TES: variants seen among roughly 807,000 people sequenced by gnomAD.
TES encodes the protein testin.
A neutral mutation model predicts 48.2 loss-of-function variants in TES; 41 were observed. The observed-to-expected ratio is 0.85, with a 90% CI of 0.66 to 1.10. TES has a LOEUF of 1.10. Ranked by LOEUF, TES falls within the 50% of genes least tolerant of loss-of-function variation. The pLI is 0.00. For missense variants in TES, 463 were observed against 515.1 expected, an observed-to-expected ratio of 0.90 and a Z score of 0.98; for synonymous variants, 162 against 174.9, an observed-to-expected ratio of 0.93 and a Z score of 0.58.
At chr7:116,250,597 A>C in intron 4 of TES, 101 bp downstream of exon 4, 1 of 881,636 alleles carries the variant, frequency 1.1e-6, no homozygotes. Flanking sequence ...GAGTTTCCAA[A>C]AGGGAATAAG....
At chr7:116,235,875 TA>T (rs1799764039) in intron 2 of TES, among the ~76,000 whole-genome samples, 1 of 152,180 alleles carries the variant, frequency 6.6e-6, no homozygotes, top group South Asian at 2.1e-4. Flanking sequence ...TAATCTCTTT[TA>T]AAAACTAGTT....
chr7:116,234,433 A>T (rs899935813), intron 1 of TES, 101 bp from the exon 2 acceptor site: 4 of 998,300 alleles, frequency 4.0e-6, no homozygotes, highest in Non-Finnish European at 6.2e-6. Flanking sequence ...TTTGAAAGTT[A>T]TCTCAACACA....
intron 2 of TES, among the ~76,000 whole-genome samples, chr7:116,246,221 T>C (rs1251506305): frequency 2.6e-5 from 4 of 152,196 alleles, no homozygotes; most frequent in African/African-American, 9.7e-5. Context: ...ATCCAAGCCA[T>C]AGCATATTTT....
chr7:116,254,510 C>T (rs188222727), intron 6 of TES, among the ~76,000 whole-genome samples: 2,046 of 151,940 alleles, frequency 0.013, 30 homozygotes, highest in Non-Finnish European at 0.018. Context: ...CCAAGGTGGG[C>T]GAATCATGAG....
chr7:116,245,722 T>A (rs1799914061), intron 2 of TES, among the ~76,000 whole-genome samples: 2 of 152,184 alleles, frequency 1.3e-5, no homozygotes, highest in African/African-American at 2.4e-5. Flanking sequence ...CTGTATTTAT[T>A]AGTCTATTCT....
intron 2 of TES, among the ~76,000 whole-genome samples, chr7:116,244,877 T>C (rs1279179531): frequency 1.3e-5 from 2 of 152,214 alleles, no homozygotes; most frequent in African/African-American, 4.8e-5. Context: ...CAACACCGTA[T>C]GGAAGCTGCC....
chr7:116,252,706 A>G (rs1262846002), intron 6 of TES: 4 of 547,688 alleles, frequency 7.3e-6, no homozygotes, highest in Non-Finnish European at 1.3e-5. Context: ...AATTATAGGT[A>G]CTGCTTAATA....
Position 116,252,484 on chromosome 7 carries a change from G to C in TES, c.1077+8G>C. The C allele has an allele frequency of 3.1e-6, 5 of 1,614,222 alleles. No individual in the cohort carries two copies. Among genetic ancestry groups the C allele is most frequent in the Non-Finnish European group, 3.4e-6 (4 of 1,180,032 alleles). ...GTGAAGAATCACGCTGTGGTGAGAAGTGTTCTAAGGATATGGTTGCCTCAG... is the reference window on the plus strand; with the variant it reads ...GTGAAGAATCACGCTGTGGTGAGAACTGTTCTAAGGATATGGTTGCCTCAG... On this transcript the variant is annotated splice_region_variant and intron_variant, in intron 6 of 6. Transcript: ENST00000358204.
intron 2 of TES, among the ~76,000 whole-genome samples, chr7:116,235,689 T>A (rs1402030896): frequency 6.6e-6 from 1 of 152,024 alleles, no homozygotes; most frequent in Non-Finnish European, 1.5e-5. Context: ...GAAAAAAAAA[T>A]AAAGATAACT....
At chr7:116,256,659 A>G (rs1800103327) in intron 6 of TES, among the ~76,000 whole-genome samples, 1 of 152,196 alleles carries the variant, frequency 6.6e-6, no homozygotes, top group Admixed American at 6.5e-5. Flanking sequence ...CATAACACAT[A>G]CTGAATGGTA....
At chr7:116,251,701 A>C in intron 4 of TES, 59 bp from the exon 5 acceptor site, 2 of 1,457,614 alleles carry the variant, frequency 1.4e-6, no homozygotes, top group Non-Finnish European at 1.9e-6. Flanking sequence ...AAAAAGAAAG[A>C]AAGAAAAGAA....
intron 1 of TES, 39 bp from the exon 2 acceptor site, chr7:116,234,495 G>T: frequency 6.5e-7 from 1 of 1,535,688 alleles, no homozygotes; most frequent in African/African-American, 1.4e-5. Flanking sequence ...GATTTGTAAA[G>T]AATCTAATAA....
At chr7:116,240,451 CTT>C (rs1799830422) in intron 2 of TES, among the ~76,000 whole-genome samples, 2 of 152,092 alleles carry the variant, frequency 1.3e-5, no homozygotes, top group East Asian at 3.9e-4. Context: ...CAGGCTCGCT[CTT>C]TCTCTCTCTC....
chr7:116,238,249 A>AC (rs1158359860), intron 2 of TES: 1 of 152,182 alleles, frequency 6.6e-6, no homozygotes, highest in African/African-American at 2.4e-5. Context: ...GGGAAATAGC[A>AC]CAGAGTACTG....
Position 116,210,629 on chromosome 7 carries a change from G to C in TES, c.-79G>C. On this transcript the variant is annotated 5_prime_UTR_variant, in exon 1 of 7. Coordinates refer to ENST00000358204, the MANE Select transcript of TES (RefSeq NM_015641.4). Reference sequence around the variant, plus strand: ...GGAGTTCCGCAGGTTTCCCGTGTTCGCAGCGGAGCCGGAGGCCAGCTGAAC... The same window carrying C: ...GGAGTTCCGCAGGTTTCCCGTGTTCCCAGCGGAGCCGGAGGCCAGCTGAAC... The C allele has an allele frequency of 7.9e-7, 1 of 1,271,100 alleles. No individual in the cohort carries two copies. Among genetic ancestry groups the C allele is most frequent in the East Asian group, 3.2e-5 (1 of 30,836 alleles). 78.7% of individuals were successfully genotyped at this position (1,271,100 alleles called of 1,614,324 possible). A position where few individuals can be genotyped will look rare whatever the true frequency, so the allele number is the denominator to read the frequency against.
chr7:116,247,554 C>T (rs1332593859), intron 2 of TES, among the ~76,000 whole-genome samples: 1 of 151,346 alleles, frequency 6.6e-6, no homozygotes, highest in African/African-American at 2.4e-5. Context: ...ATTATTGGGG[C>T]CATCACCACT....
intron 6 of TES, among the ~76,000 whole-genome samples, chr7:116,256,766 T>C (rs1025294687): frequency 2.1e-4 from 32 of 152,220 alleles, no homozygotes; most frequent in Non-Finnish European, 4.7e-4. Context: ...ACAAGTTATA[T>C]TTTTAGTGCA....
rs997032215 is a variant in TES, at chr7:116,257,573, A to G, written c.*91A>G. ...GCAATTTGAAAAAAATAAAACGCAA[A>G]AAAAGAAACTGTAAAGGAAACCAAG... On this transcript the variant is annotated 3_prime_UTR_variant, in exon 7 of 7. Coordinates refer to ENST00000358204, the MANE Select transcript of TES (RefSeq NM_015641.4). 2.7e-5 allele frequency: 31 copies of G among 1,151,128 alleles called. No homozygotes were observed. The highest frequency in any genetic ancestry group is 3.3e-5 in the Non-Finnish European group (29 of 882,266). The allele number at this position is 1,151,128 out of a possible 1,614,324, so 71.3% of individuals were successfully genotyped here.
intron 2 of TES, among the ~76,000 whole-genome samples, chr7:116,245,117 T>C (rs1799904205): frequency 6.6e-6 from 1 of 152,178 alleles, no homozygotes; most frequent in African/African-American, 2.4e-5. Context: ...AGACATTTTC[T>C]CCATTGTCTT....
Sources: gnomAD v4.1 joint callset for allele counts (sites outside exome capture counted in the v4.1 genomes callset) on GRCh38, gnomAD v4.1.1 for gene constraint, MANE v1.5 for transcripts, NCBI Gene and HGNC (gene_info 2026-07-23, HGNC 2026-07-21) for gene names.